The following CYP3A43 variants were observed in gnomAD, a reference collection of about 807,000 sequenced individuals.
The protein encoded by CYP3A43 is cytochrome P450 family 3 subfamily A member 43.
In CYP3A43, 45 loss-of-function variants were observed where a neutral mutation model predicts 58.0. The observed-to-expected ratio is 0.78, with a 90% CI of 0.61 to 0.99. The LOEUF is 0.99. Ranked by LOEUF, CYP3A43 falls within the 50% of genes least tolerant of loss-of-function variation. CYP3A43 has a pLI of 0.00. For missense variants in CYP3A43, 593 were observed against 591.9 expected, an observed-to-expected ratio of 1.00 and a Z score of -0.02; for synonymous variants, 191 against 201.4, an observed-to-expected ratio of 0.95 and a Z score of 0.44.
chr7:99,848,071 T>G, intron 5 of CYP3A43, 95 bp from the exon 6 acceptor site: 1 of 1,241,940 alleles, frequency 8.1e-7, no homozygotes, highest in East Asian at 2.5e-5. Flanking sequence ...TGGTGAGTCA[T>G]TACAAAATAT....
rs1300595147 is a variant in CYP3A43, at chr7:99,861,839, G to C, written c.1253G>C (p.Arg418Thr). 3 of 1,608,438 alleles carry C rather than the reference G, an allele frequency of 1.9e-6. No individual in the cohort carries two copies. Among genetic ancestry groups the C allele is most frequent in the Non-Finnish European group, 2.6e-6 (3 of 1,175,604 alleles). ...WTEPEKFCPE[R>T]FSKKNKDSID... Reference sequence around the variant, plus strand: ...GAGCCTGAGAAGTTCTGCCCTGAAAGGTACAAGGCCCCTGGGAAAGGAGCC... The same window carrying C: ...GAGCCTGAGAAGTTCTGCCCTGAAACGTACAAGGCCCCTGGGAAAGGAGCC... The change falls in exon 11 of 13, where the codon AGG becomes ACG. Residue 418 changes from arginine to threonine, a missense_variant and splice_region_variant. Arg to Thr is a moderately conservative substitution (Grantham distance 71). Transcript: ENST00000354829.
At chr7:99,833,460 T>G (rs1816929302) in intron 1 of CYP3A43, among the ~76,000 whole-genome samples, 1 of 152,240 alleles carries the variant, frequency 6.6e-6, no homozygotes, top group Non-Finnish European at 1.5e-5. Context: ...ATCTGTCTAG[T>G]GACCTTGCAG....
Position 99,828,021 on chromosome 7 carries a change from G to A in CYP3A43, c.-95G>A. The A allele has an allele frequency of 1.1e-6, 1 of 946,436 alleles. No homozygotes were observed. Among genetic ancestry groups the A allele is most frequent in the Non-Finnish European group, 1.6e-6 (1 of 632,192 alleles). 58.6% of individuals were successfully genotyped at this position (946,436 alleles called of 1,614,324 possible). ...TTAACATTAACTAAATCACCTCTGGGCAGAGAAACAAAGCTCTATATGCAC... is the reference window on the plus strand; with the variant it reads ...TTAACATTAACTAAATCACCTCTGGACAGAGAAACAAAGCTCTATATGCAC... On this transcript the variant is annotated 5_prime_UTR_variant, in exon 1 of 13. Coordinates refer to ENST00000354829, the MANE Select transcript of CYP3A43 (RefSeq NM_057095.3).
At chr7:99,837,276 G>C (rs1350949599) in intron 2 of CYP3A43, among the ~76,000 whole-genome samples, 1 of 141,046 alleles carries the variant, frequency 7.1e-6, no homozygotes, top group Non-Finnish European at 1.5e-5. Context: ...CCGAGATAGC[G>C]CCACTGCACT....
intron 4 of CYP3A43, among the ~76,000 whole-genome samples, chr7:99,845,062 A>G (rs1817491659): frequency 7.3e-6 from 1 of 136,736 alleles, no homozygotes; most frequent in Admixed American, 6.9e-5. Flanking sequence ...AGCAAGACTC[A>G]GTCTCAAAAA....
chr7:99,835,220 T>C (rs1020804756), intron 1 of CYP3A43, among the ~76,000 whole-genome samples: 2 of 152,204 alleles, frequency 1.3e-5, no homozygotes, highest in Non-Finnish European at 2.9e-5. Flanking sequence ...GGATTGCATG[T>C]CTTTGTCTTA....
At position 99,864,547 on chromosome 7, in the gene CYP3A43, A is replaced by T. The variant is rs1165200645; in HGVS notation, c.1416+848A>T. ...CTGTTTATTGCAGGCTGTTATCATCACCTAATCTTATACTTTTCATTAAAC... is the reference window on the plus strand; with the variant it reads ...CTGTTTATTGCAGGCTGTTATCATCTCCTAATCTTATACTTTTCATTAAAC... On this transcript the variant is annotated intron_variant, in intron 12 of 12. Coordinates refer to ENST00000354829, the MANE Select transcript of CYP3A43 (RefSeq NM_057095.3). Among the ~76,000 whole-genome samples the T allele has an allele frequency of 2.7e-5, 4 of 148,624 alleles. No individual in the cohort carries two copies. In the East Asian group the frequency reaches 7.7e-4, roughly 29 times the overall value.
chr7:99,861,969 A>T (rs1354912324), intron 11 of CYP3A43, 130 bp downstream of exon 11: 2 of 757,138 alleles, frequency 2.6e-6, no homozygotes. Context: ...TTACAAAATG[A>T]TAACTGTTAA....
chr7:99,836,232 C>G (rs1489564978), intron 1 of CYP3A43, among the ~76,000 whole-genome samples: 1 of 152,148 alleles, frequency 6.6e-6, no homozygotes, highest in Non-Finnish European at 1.5e-5. Flanking sequence ...CCCAGTGTAC[C>G]TAAATAATTA....
At chr7:99,860,579 G>A (rs1212639243) in intron 10 of CYP3A43, among the ~76,000 whole-genome samples, 11 of 152,188 alleles carry the variant, frequency 7.2e-5, no homozygotes. Context: ...GCCCAAATTG[G>A]AATTCTTTAT....
In CYP3A43 at chr7:99,863,683, C is replaced by T; in HGVS notation, c.1400C>T (p.Pro467Leu). 2 of 1,602,080 alleles carry T rather than the reference C, an allele frequency of 1.2e-6. No individual in the cohort carries two copies. Among genetic ancestry groups the T allele is most frequent in the South Asian group, 2.3e-5 (2 of 87,758 alleles). ...GCACTGCAGAACTTCTCCTTCAAAC[C>T]TTGTAAAGAGACTCAGGTCAGTAAA... ...IRALQNFSFKPCKETQIPLKL... is the reference protein window; with the variant it reads ...IRALQNFSFKLCKETQIPLKL... The change falls in exon 12 of 13, where the codon CCT becomes CTT. Residue 467 changes from proline to leucine, a missense_variant. Coordinates refer to ENST00000354829, the MANE Select transcript of CYP3A43 (RefSeq NM_057095.3).
intron 5 of CYP3A43, chr7:99,847,839 C>T: frequency 1.8e-6 from 1 of 543,100 alleles, no homozygotes; most frequent in Non-Finnish European, 3.2e-6. Flanking sequence ...TGGTGAAACC[C>T]CAACTCTACT....
intron 11 of CYP3A43, among the ~76,000 whole-genome samples, chr7:99,862,467 C>A (rs2151627157): frequency 6.6e-6 from 1 of 152,294 alleles, no homozygotes; most frequent in East Asian, 1.9e-4. Flanking sequence ...TGTCTGCAGT[C>A]CTGTGCCGGC....
chr7:99,831,925 T>G (rs533884943), intron 1 of CYP3A43, among the ~76,000 whole-genome samples: 60 of 152,342 alleles, frequency 3.9e-4, no homozygotes, highest in African/African-American at 1.3e-3. Flanking sequence ...CAATCACATT[T>G]ACTGTAGTTT....
chr7:99,833,210 T>C (rs1426419315), intron 1 of CYP3A43, among the ~76,000 whole-genome samples: 1 of 152,118 alleles, frequency 6.6e-6, no homozygotes, highest in Non-Finnish European at 1.5e-5. Flanking sequence ...GAGAGACTGA[T>C]GGGGTTCAGG....
At chr7:99,844,928 G>T (rs1005095455) in intron 4 of CYP3A43, among the ~76,000 whole-genome samples, 1 of 152,018 alleles carries the variant, frequency 6.6e-6, no homozygotes, top group African/African-American at 2.4e-5. Context: ...AATTAGCCAG[G>T]CATGGTGGTG....
chr7:99,828,172 G>C lies in CYP3A43; in HGVS notation c.57G>C (p.Leu19=). The C allele has an allele frequency of 5.6e-6, 9 of 1,612,382 alleles. No individual in the cohort carries two copies. The highest frequency in any genetic ancestry group is 7.6e-6 in the Non-Finnish European group (9 of 1,178,974). ...CATGGGTTCTTGTGGCTACCAGCCT[G>C]GTACTCCTCTATATGTGAGTAACTA... ...METWVLVATS[L]VLLYIYGTHS... is the part of the protein sequence containing the mutation. The change falls in exon 1 of 13, where the codon CTG becomes CTC. Residue 19 remains leucine (L), a synonymous_variant. Coordinates refer to ENST00000354829, the MANE Select transcript of CYP3A43 (RefSeq NM_057095.3).
At chr7:99,844,349 C>T in intron 4 of CYP3A43, 107 bp downstream of exon 4, 5 of 997,080 alleles carry the variant, frequency 5.0e-6, no homozygotes, top group South Asian at 1.5e-5. Context: ...TATACTTCGT[C>T]CTATTTCCCC....
intron 6 of CYP3A43, 80 bp from the exon 7 acceptor site, chr7:99,849,466 A>G (rs1184118613): frequency 1.5e-5 from 23 of 1,492,750 alleles, no homozygotes; most frequent in Non-Finnish European, 1.9e-5. Context: ...TTGCTCTGGC[A>G]TAGCACTTCT....
Sources: gnomAD v4.1 joint callset for allele counts (sites outside exome capture counted in the v4.1 genomes callset) on GRCh38, gnomAD v4.1.1 for gene constraint, MANE v1.5 for transcripts, NCBI Gene and HGNC (gene_info 2026-07-23, HGNC 2026-07-21) for gene names.